CNTLN: variants seen among roughly 807,000 people sequenced by gnomAD.
CNTLN encodes the protein centlein, centrosomal protein.
In CNTLN, 212 loss-of-function variants were observed where a neutral mutation model predicts 180.0. The observed-to-expected ratio is 1.18, with a 90% CI of 1.05 to 1.32. The LOEUF is 1.32. Among genes scored for constraint, CNTLN ranks in the 40% most tolerant of loss-of-function variants. The probability of loss-of-function intolerance (pLI) is 0.00; values close to 1 mark genes in which losing one functional copy is unlikely to be tolerated. For synonymous variants in CNTLN, 722 were observed against 563.1 expected (o/e 1.28, Z -3.99); for missense variants, 2,095 against 1,610.9 (o/e 1.30, Z -5.14).
At position 17,270,973 on chromosome 9, in the gene CNTLN, C is replaced by CA. The variant is rs1240622662; in HGVS notation, c.850-2759dup. Among the ~76,000 whole-genome samples the CA allele has an allele frequency of 1.5e-4, 14 of 90,566 alleles. No homozygotes were observed. The South Asian group carries it at 3.9e-3, about 25-fold the overall frequency. 59.4% of individuals were successfully genotyped at this position (90,566 alleles called of 152,430 possible). On this transcript the variant is annotated intron_variant, in intron 5 of 25. Transcript: ENST00000380647. Reference sequence around the variant, plus strand: ...TTTTTTTTTTTTTTTTTTTTTGAGACAGAGTCTTGCTCTGTCGCCCAGGCT... The same window carrying CA: ...TTTTTTTTTTTTTTTTTTTTTGAGACAAGAGTCTTGCTCTGTCGCCCAGGCT...
intron 13 of CNTLN, among the ~76,000 whole-genome samples, chr9:17,376,885 G>A (rs1163166498): frequency 1.3e-5 from 2 of 152,078 alleles, no homozygotes; most frequent in Non-Finnish European, 2.9e-5. Context: ...AAGAGAAACA[G>A]AAGTAAAGGT....
At chr9:17,457,458 A>G in intron 18 of CNTLN, 66 bp from the exon 19 acceptor site, 1 of 862,342 alleles carries the variant, frequency 1.2e-6, no homozygotes, top group Non-Finnish European at 1.6e-6. Flanking sequence ...TATGCTGATA[A>G]TTGTTAGATT....
rs1174225322 is a variant in CNTLN, at chr9:17,174,711, A to AAAAAAAAAG, written c.449+31338_449+31339insAAAAAGAAA. 4.6e-3 allele frequency among the ~76,000 whole-genome samples: 692 copies of AAAAAAAAAG among 152,002 alleles called. 5 individuals are homozygous for AAAAAAAAAG. The highest frequency in any genetic ancestry group is 6.9e-3 in the Admixed American group (106 of 15,266). Reference sequence around the variant, plus strand: ...ACTCCGTCTCAGGAAAAAAAAAAAAAAAAGAAAGAAATTGCCAAACCGTTT... The same window carrying AAAAAAAAAG: ...ACTCCGTCTCAGGAAAAAAAAAAAAAAAAAAAAAGAAAGAAAGAAATTGCCAAACCGTTT... On this transcript the variant is annotated intron_variant, in intron 2 of 25. Transcript: ENST00000380647.
At chr9:17,469,849 C>A (rs1207516445) in intron 23 of CNTLN, among the ~76,000 whole-genome samples, 1 of 151,916 alleles carries the variant, frequency 6.6e-6, no homozygotes, top group Non-Finnish European at 1.5e-5. Flanking sequence ...TTTACTGGCT[C>A]TCTGACTTCA....
Position 17,415,986 on chromosome 9 carries a change from A to G in CNTLN, c.2911A>G (p.Asn971Asp), listed in dbSNP as rs1828206196. 3.7e-6 allele frequency: 6 copies of G among 1,610,420 alleles called. No individual in the cohort carries two copies. In the East Asian group the frequency reaches 1.3e-4, roughly 36 times the overall value. Residue 971 changes from asparagine (N) to aspartate (D), a missense_variant, in exon 18 of 26, where the codon AAT becomes GAT. Coordinates refer to ENST00000380647, the MANE Select transcript of CNTLN (RefSeq NM_017738.4). ...TGTAGTCAACAGAGAAAAGTACAAA[A>G]ATATAACTGCCCAGAAATCAAGTAG... ...PTRVNREKYK[N>D]ITAQKSSSNI...
intron 8 of CNTLN, among the ~76,000 whole-genome samples, chr9:17,318,079 G>T (rs1338797520): frequency 1.3e-5 from 2 of 150,088 alleles, no homozygotes; most frequent in Non-Finnish European, 3.0e-5. Flanking sequence ...CCAGGCTGGA[G>T]TCCAGTGGCA....
At chr9:17,162,459 G>A (rs1203152883) in intron 2 of CNTLN, among the ~76,000 whole-genome samples, 1 of 152,162 alleles carries the variant, frequency 6.6e-6, no homozygotes, top group Non-Finnish European at 1.5e-5. Flanking sequence ...CCAATTCACA[G>A]TCCTGCATTT....
chr9:17,445,512 A>T (rs529770299), intron 18 of CNTLN, among the ~76,000 whole-genome samples: 51 of 152,304 alleles, frequency 3.3e-4, no homozygotes, highest in Non-Finnish European at 5.6e-4. Context: ...GTGCTCTCTG[A>T]AACATGTGCT....
intron 2 of CNTLN, among the ~76,000 whole-genome samples, chr9:17,216,361 G>C (rs1823754125): frequency 6.6e-6 from 1 of 151,864 alleles, no homozygotes; most frequent in African/African-American, 2.4e-5. Context: ...CTTTTTTCTT[G>C]TGCTCACTTT....
chr9:17,523,929 G>A, the CNTLN span, among the ~76,000 whole-genome samples: 23 of 152,218 alleles, frequency 1.5e-4, 1 homozygote, highest in South Asian at 4.8e-3. Flanking sequence ...AATTTCTTTG[G>A]TCAAAAAACA....
chr9:17,409,791 G>GTCTTTGCAA (rs1207440188), intron 16 of CNTLN, among the ~76,000 whole-genome samples: 1 of 151,900 alleles, frequency 6.6e-6, no homozygotes, highest in East Asian at 1.9e-4. Flanking sequence ...TTGTATATTA[G>GTCTTTGCAA]TCTTTGCAAT....
At chr9:17,335,829 C>A (rs1416698990) in intron 10 of CNTLN, among the ~76,000 whole-genome samples, 1 of 151,162 alleles carries the variant, frequency 6.6e-6, no homozygotes, top group African/African-American at 2.4e-5. Flanking sequence ...GTAATCCCAG[C>A]TACTCAGTAG....
chr9:17,181,895 AG>A (rs1214592764), intron 2 of CNTLN, among the ~76,000 whole-genome samples: 1 of 152,170 alleles, frequency 6.6e-6, no homozygotes, highest in Non-Finnish European at 1.5e-5. Flanking sequence ...CACGGGAGGA[AG>A]GGAGCCTTGT....
intron 2 of CNTLN, among the ~76,000 whole-genome samples, chr9:17,224,488 G>A (rs1454719479): frequency 6.6e-6 from 1 of 151,914 alleles, no homozygotes. Flanking sequence ...CTGGAATGTT[G>A]TAGGCATATG....
At chr9:17,300,426 A>G (rs2132817854) in intron 7 of CNTLN, 1 of 152,196 alleles carries the variant, frequency 6.6e-6, no homozygotes, top group South Asian at 2.1e-4. Context: ...TTGGATTCCT[A>G]ATGGGCATCT....
intron 2 of CNTLN, among the ~76,000 whole-genome samples, chr9:17,217,599 A>C (rs1823848808): frequency 6.6e-6 from 1 of 152,238 alleles, no homozygotes; most frequent in East Asian, 1.9e-4. Context: ...ATGTTAAAAC[A>C]GTCTGTTCTG....
At chr9:17,341,527 C>A (rs1821480141) in intron 11 of CNTLN, among the ~76,000 whole-genome samples, 1 of 152,060 alleles carries the variant, frequency 6.6e-6, no homozygotes, top group South Asian at 2.1e-4. Flanking sequence ...AGTGGCTCCC[C>A]TGTTAACTGT....
intron 2 of CNTLN, among the ~76,000 whole-genome samples, chr9:17,184,672 C>A (rs1009294329): frequency 6.6e-6 from 1 of 152,084 alleles, no homozygotes. Flanking sequence ...TTCAATCCAG[C>A]CACTTTAGCA....
At chr9:17,160,957 C>T (rs1819635738) in intron 2 of CNTLN, among the ~76,000 whole-genome samples, 1 of 152,062 alleles carries the variant, frequency 6.6e-6, no homozygotes, top group South Asian at 2.1e-4. Flanking sequence ...AGAGATAGCT[C>T]TGCATTTAGC....
Sources: allele counts gnomAD v4.1 joint callset (sites outside exome capture counted in the v4.1 genomes callset), GRCh38; gene constraint gnomAD v4.1.1; transcripts MANE v1.5; gene names NCBI Gene and HGNC (gene_info 2026-07-23, HGNC 2026-07-21).